TMEM244: variants seen among roughly 807,000 people sequenced by gnomAD.
TMEM244 encodes the protein transmembrane protein 244.
A neutral mutation model predicts 15.8 loss-of-function variants in TMEM244; 13 were observed. The ratio of observed to expected loss-of-function variants is 0.82; its 90% CI spans 0.53 to 1.30. The LOEUF is 1.30. Among genes scored for constraint, TMEM244 ranks in the 50% most tolerant of loss-of-function variants. The probability of loss-of-function intolerance (pLI) is 0.00; values close to 1 mark genes in which losing one functional copy is unlikely to be tolerated. For missense variants in TMEM244, 161 were observed against 144.9 expected (o/e 1.11, Z -0.57); for synonymous variants, 45 against 48.7 (o/e 0.92, Z 0.32).
chr6:129,861,070 CAGAG>C (rs1234989337), intron 1 of TMEM244, 82 bp downstream of exon 1: 6 of 1,467,134 alleles, frequency 4.1e-6, no homozygotes, highest in African/African-American at 2.8e-5. Context: ...TGCCCACTGA[CAGAG>C]AGGCCATTTA....
At chr6:129,847,877 C>T (rs747503437) in intron 1 of TMEM244, among the ~76,000 whole-genome samples, 3 of 151,042 alleles carry the variant, frequency 2.0e-5, no homozygotes, top group Admixed American at 6.6e-5. Context: ...CGGGTTCAAG[C>T]GATTCTCCTT....
chr6:129,849,058 A>G (rs1401893858), intron 1 of TMEM244, among the ~76,000 whole-genome samples: 1 of 152,114 alleles, frequency 6.6e-6, no homozygotes, highest in Non-Finnish European at 1.5e-5. Flanking sequence ...CAGAAAACCT[A>G]CAAATAGTAA....
At chr6:129,838,227 A>G (rs1776436312) in intron 3 of TMEM244, among the ~76,000 whole-genome samples, 1 of 152,236 alleles carries the variant, frequency 6.6e-6, no homozygotes, top group Non-Finnish European at 1.5e-5. Flanking sequence ...ACTGTCTCTC[A>G]GACTGATCTC....
At chr6:129,853,013 A>C (rs1776655756) in intron 1 of TMEM244, among the ~76,000 whole-genome samples, 1 of 152,158 alleles carries the variant, frequency 6.6e-6, no homozygotes, top group South Asian at 2.1e-4. Flanking sequence ...TGAAAAAACA[A>C]ATGAGCACCC....
chr6:129,840,982 T>C (rs77786936), intron 3 of TMEM244, among the ~76,000 whole-genome samples: 34,174 of 152,130 alleles, frequency 0.22, 4,725 homozygotes, highest in African/African-American at 0.38. Flanking sequence ...GGTGGGAGTG[T>C]AAACTAGTTC....
In TMEM244 at chr6:129,861,178, T is replaced by G. The variant is rs1332492770; in HGVS notation, c.11A>C (p.Gln4Pro). 1 of 1,613,790 alleles carries G rather than the reference T, an allele frequency of 6.2e-7. No homozygotes were observed. Among genetic ancestry groups the G allele is most frequent in the African/African-American group, 1.3e-5 (1 of 75,014 alleles). ...TACCTTGCTTGGAGCAACTCTGACC[T>G]GGAGAGCCATGTACACATCCTACGT... MAL[Q>P]VRVAPSKVVL... The change falls in exon 1 of 5, where the codon CAG becomes CCG. Residue 4 changes from glutamine (Q) to proline (P), a missense_variant. Transcript: ENST00000368143.
chr6:129,861,178 T>C lies in TMEM244; in HGVS notation c.11A>G (p.Gln4Arg). 6.2e-7 allele frequency: 1 copy of C among 1,613,790 alleles called. No homozygotes were observed. The change falls in exon 1 of 5, where the codon CAG becomes CGG. Residue 4 changes from glutamine (Q) to arginine (R), a missense_variant. Coordinates refer to ENST00000368143, the MANE Select transcript of TMEM244 (RefSeq NM_001010876.2). MAL[Q>R]VRVAPSKVVL... ...TACCTTGCTTGGAGCAACTCTGACC[T>C]GGAGAGCCATGTACACATCCTACGT...
intron 1 of TMEM244, among the ~76,000 whole-genome samples, chr6:129,853,958 C>A (rs1209999587): frequency 6.6e-6 from 1 of 152,208 alleles, no homozygotes; most frequent in African/African-American, 2.4e-5. Context: ...TTCCACTCTC[C>A]TGGAGTTGAA....
At chr6:129,860,635 T>G (rs9492406) in intron 1 of TMEM244, among the ~76,000 whole-genome samples, 10,855 of 152,156 alleles carry the variant, frequency 0.071, 657 homozygotes, top group African/African-American at 0.16. Flanking sequence ...ATTTCCTTGT[T>G]TTCGATTGTT....
At chr6:129,853,434 A>G (rs1390092695) in intron 1 of TMEM244, among the ~76,000 whole-genome samples, 2 of 151,952 alleles carry the variant, frequency 1.3e-5, no homozygotes, top group African/African-American at 2.4e-5. Context: ...ATCATTATAA[A>G]TGCAATTTCT....
chr6:129,838,859 C>A (rs370601774), intron 3 of TMEM244, among the ~76,000 whole-genome samples: 1 of 152,152 alleles, frequency 6.6e-6, no homozygotes, highest in East Asian at 1.9e-4. Context: ...GACACATACA[C>A]CCTCCCAAGA....
intron 1 of TMEM244, among the ~76,000 whole-genome samples, chr6:129,858,561 A>AT (rs1776751110): frequency 1.3e-5 from 2 of 152,078 alleles, no homozygotes. Flanking sequence ...CTTCCATAAT[A>AT]TTATATTTGT....
rs1562203718 is a variant in TMEM244 at position 129,861,200 on chromosome 6, A to G, written c.-12T>C. The G allele has an allele frequency of 3.7e-6, 6 of 1,613,616 alleles. No individual in the cohort carries two copies. The highest frequency in any genetic ancestry group is 5.1e-6 in the Non-Finnish European group (6 of 1,179,652). The stretch of plus-strand genomic sequence containing the variant: ...ACCTGGAGAGCCATGTACACATCCT[A>G]CGTCAAGGAGGTGATGAAAGCCCCA... On this transcript the variant is annotated 5_prime_UTR_variant, in exon 1 of 5. Coordinates refer to ENST00000368143, the MANE Select transcript of TMEM244 (RefSeq NM_001010876.2).
At chr6:129,842,083 C>T (rs1452555914) in intron 3 of TMEM244, among the ~76,000 whole-genome samples, 2 of 152,128 alleles carry the variant, frequency 1.3e-5, no homozygotes, top group African/African-American at 2.4e-5. Context: ...TGGAGATCTT[C>T]GCTAATCCCT....
chr6:129,852,394 A>G (rs1776647106), intron 1 of TMEM244, among the ~76,000 whole-genome samples: 1 of 152,282 alleles, frequency 6.6e-6, no homozygotes, highest in African/African-American at 2.4e-5. Context: ...TGCAAACCTT[A>G]TCTCCTTTAA....
At chr6:129,841,446 G>A (rs146028687) in intron 3 of TMEM244, among the ~76,000 whole-genome samples, 2,231 of 151,980 alleles carry the variant, frequency 0.015, 19 homozygotes, top group Non-Finnish European at 0.022. Flanking sequence ...GGGGTGGATA[G>A]CATTAGGAGA....
Position 129,843,537 on chromosome 6 carries a change from G to C in TMEM244, c.186C>G (p.Asn62Lys), listed in dbSNP as rs140078538. Residue 62 changes from asparagine (N) to lysine (K), a missense_variant, in exon 3 of 5, where the codon AAC (asparagine) becomes AAG (lysine). Physicochemically the swap from Asn to Lys is moderately conservative, Grantham distance 94. Transcript: ENST00000368143. ...FKTNPSWLNINYKVLLVSTEV... is the reference protein window; with the variant it reads ...FKTNPSWLNIKYKVLLVSTEV... ...TAAAATTAAAACAATTACCTTTATA[G>C]TTTATGTTGAGCCATGAGGGATTTG... 1.1e-4 allele frequency: 171 copies of C among 1,608,354 alleles called. 1 individual carries two copies. The African/African-American group carries it at 2.2e-3, about 21-fold the overall frequency.
At chr6:129,851,322 G>C (rs143142661) in intron 1 of TMEM244, among the ~76,000 whole-genome samples, 28 of 152,132 alleles carry the variant, frequency 1.8e-4, no homozygotes, top group African/African-American at 6.5e-4. Context: ...GGGCTGGAGT[G>C]CCATGGTTTG....
At chr6:129,854,904 A>G (rs1776684231) in intron 1 of TMEM244, among the ~76,000 whole-genome samples, 1 of 152,234 alleles carries the variant, frequency 6.6e-6, no homozygotes, top group Admixed American at 6.5e-5. Context: ...AGGAACAATC[A>G]TAATGGTCCA....
Sources: allele counts gnomAD v4.1 joint callset (sites outside exome capture counted in the v4.1 genomes callset), GRCh38; gene constraint gnomAD v4.1.1; transcripts MANE v1.5; gene names NCBI Gene and HGNC (gene_info 2026-07-23, HGNC 2026-07-21).